The following SNTG1 variants were observed in gnomAD, a reference collection of about 807,000 sequenced individuals.
The protein encoded by SNTG1 is gamma-1-syntrophin.
SNTG1 carries 39 observed loss-of-function variants against 74.7 expected under a neutral mutation model. The observed-to-expected ratio is 0.52, with a 90% CI of 0.40 to 0.68. SNTG1 has a LOEUF of 0.68. Among genes scored for constraint, SNTG1 ranks in the 30% least tolerant of loss-of-function variants. SNTG1 has a pLI of 0.00. For synonymous variants in SNTG1, 254 were observed against 217.1 expected, an observed-to-expected ratio of 1.17 and a Z score of -1.49; for missense variants, 685 against 609.5, an observed-to-expected ratio of 1.12 and a Z score of -1.30.
intron 17 of SNTG1, among the ~76,000 whole-genome samples, chr8:50,728,296 G>T (rs896722742): frequency 6.6e-6 from 1 of 152,122 alleles, no homozygotes; most frequent in African/African-American, 2.4e-5. Flanking sequence ...AACTCTGAGG[G>T]TGATGCAGCG....
chr8:50,210,055 C>T (rs1012682951), intron 2 of SNTG1, among the ~76,000 whole-genome samples: 4 of 152,106 alleles, frequency 2.6e-5, no homozygotes, highest in Admixed American at 2.6e-4. Context: ...AGCTGAAAAC[C>T]ATGGCACGAG....
chr8:50,613,059 T>A (rs1362994861), intron 13 of SNTG1, among the ~76,000 whole-genome samples: 1 of 152,152 alleles, frequency 6.6e-6, no homozygotes, highest in African/African-American at 2.4e-5. Flanking sequence ...CACTTACTAA[T>A]TGAAGAAGAA....
intron 2 of SNTG1, among the ~76,000 whole-genome samples, chr8:50,180,330 G>A (rs2083156239): frequency 6.6e-6 from 1 of 152,126 alleles, no homozygotes; most frequent in Non-Finnish European, 1.5e-5. Flanking sequence ...TATATAGGAT[G>A]AATTAGTCTA....
chr8:50,725,952 T>C (rs1343563927), intron 17 of SNTG1, among the ~76,000 whole-genome samples: 1 of 152,230 alleles, frequency 6.6e-6, no homozygotes, highest in Admixed American at 6.5e-5. Context: ...GGCTCTTTAG[T>C]ATTCCACACT....
intron 18 of SNTG1, among the ~76,000 whole-genome samples, chr8:50,771,081 C>A (rs1032874640): frequency 6.6e-6 from 1 of 152,008 alleles, no homozygotes; most frequent in Admixed American, 6.6e-5. Context: ...GGGTGTTGCT[C>A]TACAGATATC....
At chr8:50,654,133 A>G (rs2095166013) in intron 13 of SNTG1, among the ~76,000 whole-genome samples, 2 of 152,082 alleles carry the variant, frequency 1.3e-5, no homozygotes, top group African/African-American at 4.8e-5. Context: ...TCTATTTGTG[A>G]AAATTCTTAG....
chr8:50,748,370 T>G (rs993662430), intron 17 of SNTG1, among the ~76,000 whole-genome samples: 16 of 152,002 alleles, frequency 1.1e-4, no homozygotes, highest in African/African-American at 3.4e-4. Context: ...GGGTACTACT[T>G]TCTCATTAGA....
chr8:50,132,943 A>G (rs1199609512), intron 1 of SNTG1, among the ~76,000 whole-genome samples: 1 of 152,156 alleles, frequency 6.6e-6, no homozygotes, highest in Admixed American at 6.6e-5. Context: ...AATCTCATTA[A>G]AAACACCTGT....
chr8:50,227,078 A>G (rs1204570613), intron 2 of SNTG1, among the ~76,000 whole-genome samples: 1 of 151,970 alleles, frequency 6.6e-6, no homozygotes, highest in African/African-American at 2.4e-5. Context: ...AAAATCAATG[A>G]TTTTTTTTGT....
intron 12 of SNTG1, among the ~76,000 whole-genome samples, chr8:50,576,637 A>G (rs1391615235): frequency 6.6e-6 from 1 of 152,110 alleles, no homozygotes; most frequent in African/African-American, 2.4e-5. Flanking sequence ...TAATTTTTTA[A>G]GAAATGTTTT....
At chr8:50,451,486 G>A (rs1192775308) in intron 8 of SNTG1, among the ~76,000 whole-genome samples, 1 of 152,076 alleles carries the variant, frequency 6.6e-6, no homozygotes, top group African/African-American at 2.4e-5. Flanking sequence ...TCTGTGTGTG[G>A]GGTGGTGGGG....
At position 50,530,187 on chromosome 8, in the gene SNTG1, T is replaced by C. The variant is rs774256500; in HGVS notation, c.477T>C (p.Ser159=). Residue 159 remains serine, a synonymous_variant, in exon 10 of 19, where the codon AGT becomes AGC. Coordinates refer to ENST00000642720, the MANE Select transcript of SNTG1 (RefSeq NM_018967.5). Reference sequence around the variant, plus strand: ...TTTTGTCTCCTGCAGGTGCTCCAAGTGACCAGAGCAGTGGCACCTCCTCTC... The same window carrying C: ...TTTTGTCTCCTGCAGGTGCTCCAAGCGACCAGAGCAGTGGCACCTCCTCTC... ...PLNEDCACAP[S]DQSSGTSSPL... The C allele has an allele frequency of 6.2e-7, 1 of 1,613,746 alleles. No homozygotes were observed. The highest frequency in any genetic ancestry group is 8.5e-7 in the Non-Finnish European group (1 of 1,179,740).
chr8:50,572,354 C>A (rs1245937599), intron 12 of SNTG1, among the ~76,000 whole-genome samples: 1 of 151,706 alleles, frequency 6.6e-6, no homozygotes, highest in African/African-American at 2.4e-5. Flanking sequence ...TGAACATATA[C>A]CCATAGATAT....
At chr8:50,437,723 A>C (rs2093318879) in intron 4 of SNTG1, among the ~76,000 whole-genome samples, 1 of 152,200 alleles carries the variant, frequency 6.6e-6, no homozygotes, top group Admixed American at 6.5e-5. Context: ...GATGTAATGG[A>C]GCAAGCTATA....
intron 1 of SNTG1, among the ~76,000 whole-genome samples, chr8:50,161,453 A>G (rs1351884578): frequency 6.6e-6 from 1 of 152,202 alleles, no homozygotes; most frequent in East Asian, 1.9e-4. Context: ...GGGGCATAAG[A>G]GTTGTGATGA....
At chr8:50,117,442 T>C (rs1234373687) in intron 1 of SNTG1, among the ~76,000 whole-genome samples, 1 of 152,142 alleles carries the variant, frequency 6.6e-6, no homozygotes. Flanking sequence ...GACATCAGTA[T>C]ACAATATGTT....
At chr8:49,979,081 C>CT (rs1475228146) in intron 1 of SNTG1, among the ~76,000 whole-genome samples, 3 of 152,202 alleles carry the variant, frequency 2.0e-5, no homozygotes, top group African/African-American at 7.2e-5. Context: ...ACATTAAAAG[C>CT]CTTCACGCTG....
chr8:50,586,345 A>T (rs775015171), intron 12 of SNTG1, among the ~76,000 whole-genome samples: 12 of 152,206 alleles, frequency 7.9e-5, no homozygotes, highest in Non-Finnish European at 1.5e-4. Context: ...ATAATTAATG[A>T]TCTGTCTGAG....
chr8:50,020,747 G>C (rs147488621), intron 1 of SNTG1, among the ~76,000 whole-genome samples: 2 of 152,214 alleles, frequency 1.3e-5, no homozygotes, highest in East Asian at 3.9e-4. Context: ...AGGGAGGAGA[G>C]TGAAAATGCT....
Sources: allele counts gnomAD v4.1 joint callset (sites outside exome capture counted in the v4.1 genomes callset), GRCh38; gene constraint gnomAD v4.1.1; transcripts MANE v1.5; gene names NCBI Gene and HGNC (gene_info 2026-07-23, HGNC 2026-07-21).